The following ELOVL5 variants were observed in gnomAD, a reference collection of about 807,000 sequenced individuals.
ELOVL5 encodes very long chain fatty acid elongase 5.
In ELOVL5, 8 loss-of-function variants were observed where a neutral mutation model predicts 38.6. That is an observed-to-expected ratio of 0.21 (90% CI 0.12 to 0.37). The LOEUF (loss-of-function observed/expected upper bound fraction) is 0.37. Among genes scored for constraint, ELOVL5 ranks in the 10% least tolerant of loss-of-function variants. The pLI, the probability that ELOVL5 is intolerant of heterozygous loss-of-function variation, is 1.00. For synonymous variants in ELOVL5, 127 were observed against 133.7 expected, an observed-to-expected ratio of 0.95 and a Z score of 0.34; for missense variants, 280 against 367.8, an observed-to-expected ratio of 0.76 and a Z score of 1.95.
intron 7 of ELOVL5, 25 bp from the exon 8 acceptor site, chr6:53,269,295 A>G: frequency 6.6e-7 from 1 of 1,523,712 alleles, no homozygotes; most frequent in South Asian, 1.2e-5. Context: ...GGCAGATGAG[A>G]ACCAAATGAC....
intron 1 of ELOVL5, among the ~76,000 whole-genome samples, chr6:53,333,389 A>G (rs1768891484): frequency 1.3e-5 from 2 of 152,210 alleles, no homozygotes; most frequent in South Asian, 4.1e-4. Flanking sequence ...CATTAGAGGA[A>G]ACTGACTTGA....
rs1237939972 is a variant in ELOVL5, at chr6:53,275,177, G to A, written c.409C>T (p.His137Tyr). 1.9e-6 allele frequency: 3 copies of A among 1,614,008 alleles called. No individual in the cohort carries two copies. Among genetic ancestry groups the A allele is most frequent in the African/African-American group, 2.7e-5 (2 of 74,914 alleles). The change falls in exon 5 of 8, where the codon CAC (histidine) becomes TAC (tyrosine). Residue 137 changes from histidine to tyrosine, a missense_variant. Transcript: ENST00000304434. ...TAGACGTGCAGGACCGTGATCTGGT[G>A]GTTGTTCTTGCGCAGGATGAAGAAG... ...TFFFILRKNNHQITVLHVYHH... is the reference protein window; with the variant it reads ...TFFFILRKNNYQITVLHVYHH...
intron 3 of ELOVL5, among the ~76,000 whole-genome samples, chr6:53,279,166 A>G (rs1354739525): frequency 6.6e-6 from 1 of 152,226 alleles, no homozygotes; most frequent in Non-Finnish European, 1.5e-5. Flanking sequence ...TGGGATAAAC[A>G]TAAGGCTCCC....
chr6:53,281,425 G>A (rs1766347648), intron 3 of ELOVL5, among the ~76,000 whole-genome samples: 1 of 152,114 alleles, frequency 6.6e-6, no homozygotes, highest in Admixed American at 6.6e-5. Flanking sequence ...AAGTGATAAG[G>A]ATGGCCCAGG....
At chr6:53,288,487 A>T (rs1766654014) in intron 3 of ELOVL5, among the ~76,000 whole-genome samples, 1 of 152,230 alleles carries the variant, frequency 6.6e-6, no homozygotes, top group African/African-American at 2.4e-5. Context: ...CAATACTTTC[A>T]AATTAAAACA....
intron 1 of ELOVL5, among the ~76,000 whole-genome samples, chr6:53,314,928 A>G (rs1481996858): frequency 2.0e-5 from 3 of 152,266 alleles, no homozygotes; most frequent in African/African-American, 7.2e-5. Context: ...TAACTACAGA[A>G]GCAGTGACAT....
At chr6:53,346,153 T>C (rs209523) in intron 1 of ELOVL5, among the ~76,000 whole-genome samples, 140,138 of 152,230 alleles carry the variant, frequency 0.92, 64,833 homozygotes, top group African/African-American at 0.98. Context: ...TGAGTGAGAA[T>C]ATGCAGTGTT....
intron 1 of ELOVL5, among the ~76,000 whole-genome samples, chr6:53,318,923 T>C (rs1768162663): frequency 1.3e-5 from 2 of 152,178 alleles, no homozygotes; most frequent in Admixed American, 6.5e-5. Flanking sequence ...TTTTGTACTA[T>C]GTCTTTAAAA....
At chr6:53,272,767 T>TC (rs1409675530) in intron 6 of ELOVL5, among the ~76,000 whole-genome samples, 7 of 152,100 alleles carry the variant, frequency 4.6e-5, no homozygotes, top group Non-Finnish European at 7.4e-5. Context: ...GGCTGAGGGG[T>TC]CATCCATACC....
intron 1 of ELOVL5, among the ~76,000 whole-genome samples, chr6:53,304,750 C>T (rs1350963134): frequency 6.6e-6 from 1 of 152,208 alleles, no homozygotes; most frequent in Admixed American, 6.5e-5. Flanking sequence ...GGGGTAAGGT[C>T]ACAGATCAAC....
chr6:53,347,430 G>A (rs930771708), intron 1 of ELOVL5, among the ~76,000 whole-genome samples: 2 of 152,202 alleles, frequency 1.3e-5, no homozygotes, highest in Admixed American at 6.5e-5. Flanking sequence ...GCCATCTAAT[G>A]CAAAACCGCC....
At position 53,291,901 on chromosome 6, in the gene ELOVL5, T is replaced by G; in HGVS notation, c.121A>C (p.Ile41Leu). The change falls in exon 3 of 8, where the codon ATA becomes CTA. Residue 41 changes from isoleucine to leucine, a missense_variant. Physicochemically the swap from Ile to Leu is conservative, Grantham distance 5 (BLOSUM62 2). This residue lies in a region of ELOVL5 where 150 missense variants were observed against 178.0 expected (regional missense o/e 0.84). Coordinates refer to ENST00000304434, the MANE Select transcript of ELOVL5 (RefSeq NM_021814.5). ...NYIPTFICSV[I>L]YLLIVWLGPK... is the part of the protein sequence containing the mutation. ...CCCAGCCATACAATTAGTAAATATA[T>G]GACAGAGCAGATAAATGTGGGTATA... 6.2e-7 allele frequency: 1 copy of G among 1,612,140 alleles called. No individual in the cohort carries two copies. The highest frequency in any genetic ancestry group is 8.5e-7 in the Non-Finnish European group (1 of 1,178,480).
chr6:53,316,224 C>CAA (rs1292741351), intron 1 of ELOVL5, among the ~76,000 whole-genome samples: 1 of 152,124 alleles, frequency 6.6e-6, no homozygotes, highest in Non-Finnish European at 1.5e-5. Flanking sequence ...CACAAGACCA[C>CAA]AAATCTGCCT....
At chr6:53,340,683 A>G (rs2127594721) in intron 1 of ELOVL5, among the ~76,000 whole-genome samples, 1 of 152,348 alleles carries the variant, frequency 6.6e-6, no homozygotes, top group South Asian at 2.1e-4. Flanking sequence ...GTAGCCTAGG[A>G]GCAATGTGGT....
At chr6:53,309,766 C>A (rs752722617) in intron 1 of ELOVL5, among the ~76,000 whole-genome samples, 4 of 152,208 alleles carry the variant, frequency 2.6e-5, no homozygotes, top group Non-Finnish European at 5.9e-5. Context: ...TGCTATGCTG[C>A]AAACAGTCCT....
intron 1 of ELOVL5, among the ~76,000 whole-genome samples, chr6:53,327,610 C>T (rs1317743214): frequency 6.6e-6 from 1 of 152,210 alleles, no homozygotes; most frequent in Non-Finnish European, 1.5e-5. Flanking sequence ...TTAGAGGTGA[C>T]TGTGGCAAAC....
chr6:53,324,262 A>G (rs1768419510), intron 1 of ELOVL5, among the ~76,000 whole-genome samples: 1 of 151,522 alleles, frequency 6.6e-6, no homozygotes, highest in Admixed American at 6.6e-5. Context: ...CAAAAAAAAA[A>G]AAAAAAAAAA....
At chr6:53,318,581 C>T (rs913267398) in intron 1 of ELOVL5, among the ~76,000 whole-genome samples, 1 of 151,934 alleles carries the variant, frequency 6.6e-6, no homozygotes, top group African/African-American at 2.4e-5. Flanking sequence ...TCTACAAAAA[C>T]TACAAAAAAT....
At chr6:53,293,108 GC>G (rs1766838695) in intron 2 of ELOVL5, among the ~76,000 whole-genome samples, 1 of 151,958 alleles carries the variant, frequency 6.6e-6, no homozygotes, top group Non-Finnish European at 1.5e-5. Flanking sequence ...TCATACTCTG[GC>G]TGACCCCAGG....
Sources: allele counts gnomAD v4.1 joint callset (sites outside exome capture counted in the v4.1 genomes callset), GRCh38; gene constraint gnomAD v4.1.1; regional missense constraint gnomAD v4.1.1; transcripts MANE v1.5; gene names NCBI Gene and HGNC (gene_info 2026-07-23, HGNC 2026-07-21).